The following PGM5 variants were observed in gnomAD, a reference collection of about 807,000 sequenced individuals.
PGM5 encodes phosphoglucomutase-like protein 5.
Under a neutral mutation model 59.2 loss-of-function variants are expected in PGM5, and 23 were observed. The ratio of observed to expected loss-of-function variants is 0.39; its 90% CI spans 0.28 to 0.55. The LOEUF (loss-of-function observed/expected upper bound fraction) is 0.55. Ranked by LOEUF, PGM5 falls within the 20% of genes least tolerant of loss-of-function variation. The pLI, the probability that PGM5 is intolerant of heterozygous loss-of-function variation, is 0.66. For missense variants in PGM5, 574 were observed against 748.3 expected, an observed-to-expected ratio of 0.77 and a Z score of 2.72; for synonymous variants, 214 against 286.0, an observed-to-expected ratio of 0.75 and a Z score of 2.54.
chr9:68,448,659 C>G (rs1823650507), intron 6 of PGM5, among the ~76,000 whole-genome samples: 1 of 152,154 alleles, frequency 6.6e-6, no homozygotes. Context: ...TTCTTACGCC[C>G]ATTGGAATAT....
intron 9 of PGM5, among the ~76,000 whole-genome samples, chr9:68,489,354 G>A (rs1355915102): frequency 6.6e-6 from 1 of 152,170 alleles, no homozygotes; most frequent in Non-Finnish European, 1.5e-5. Flanking sequence ...GATTTGAAAT[G>A]AGAAACCTTG....
intron 8 of PGM5, among the ~76,000 whole-genome samples, chr9:68,479,764 C>T (rs2132089868): frequency 6.6e-6 from 1 of 152,240 alleles, no homozygotes. Context: ...GAAACCCCGT[C>T]TCTACTAAAA....
At chr9:68,422,835 C>T (rs1313306593) in intron 6 of PGM5, among the ~76,000 whole-genome samples, 1 of 152,162 alleles carries the variant, frequency 6.6e-6, no homozygotes, top group Non-Finnish European at 1.5e-5. Context: ...CTGAGCAGTA[C>T]ACAGTGCATG....
intron 6 of PGM5, chr9:68,400,768 A>T (rs1279354483): frequency 6.6e-6 from 1 of 152,342 alleles, no homozygotes; most frequent in Non-Finnish European, 1.5e-5. Context: ...TTTAGTAATG[A>T]TATGTGGGTA....
chr9:68,357,958 CACA>C (rs1834501324), intron 1 of PGM5: 4 of 160,036 alleles, frequency 2.5e-5, no homozygotes, highest in African/African-American at 7.4e-5. Context: ...CACACACACA[CACA>C]CACGATCCCT....
intron 7 of PGM5, among the ~76,000 whole-genome samples, chr9:68,474,499 A>G (rs1356817068): frequency 1.3e-5 from 2 of 151,952 alleles, no homozygotes; most frequent in African/African-American, 2.4e-5. Flanking sequence ...CTCAAGTAGC[A>G]TGGTTTTGAA....
chr9:68,360,296 T>C (rs1834551747), intron 1 of PGM5, among the ~76,000 whole-genome samples: 1 of 151,544 alleles, frequency 6.6e-6, no homozygotes, highest in African/African-American at 2.4e-5. Flanking sequence ...TAAAAAATTT[T>C]ATAAATTAAA....
At position 68,380,867 on chromosome 9, in the gene PGM5, A is replaced by T. The variant is rs1333333630; in HGVS notation, c.424+2506A>T. On this transcript the variant is annotated intron_variant, in intron 2 of 10. Coordinates refer to ENST00000396396, the MANE Select transcript of PGM5 (RefSeq NM_021965.4). ...GATAAATTTCTAGAAAAACTAACCC[A>T]ACAAGATTGAATTGGGAAGAAACAA... Among the ~76,000 whole-genome samples, 3 of 152,002 alleles carry T rather than the reference A, an allele frequency of 2.0e-5. No homozygotes were observed. The East Asian group carries it at 5.8e-4, about 29-fold the overall frequency.
chr9:68,500,233 G>T (rs2132105832), intron 10 of PGM5, among the ~76,000 whole-genome samples: 1 of 152,282 alleles, frequency 6.6e-6, no homozygotes, highest in South Asian at 2.1e-4. Flanking sequence ...GCTATAATTT[G>T]CCCTGATGGA....
At chr9:68,368,268 T>C (rs1834717088) in intron 1 of PGM5, among the ~76,000 whole-genome samples, 1 of 151,052 alleles carries the variant, frequency 6.6e-6, no homozygotes, top group African/African-American at 2.4e-5. Context: ...TTGTGCTGCG[T>C]TGGATGGGTC....
At chr9:68,465,385 T>C (rs547097961) in intron 7 of PGM5, among the ~76,000 whole-genome samples, 177 bp downstream of exon 7, 1 of 152,342 alleles carries the variant, frequency 6.6e-6, no homozygotes, top group East Asian at 1.9e-4. Context: ...TCCATTTTGT[T>C]TCTTCTTTTT....
chr9:68,515,172 T>A lies in PGM5; in HGVS notation c.1615-14395T>A, dbSNP rs1824806850. Among the ~76,000 whole-genome samples the A allele has an allele frequency of 2.6e-5, 4 of 152,248 alleles. No homozygotes were observed. The South Asian group carries it at 8.3e-4, about 31-fold the overall frequency. On this transcript the variant is annotated intron_variant, in intron 10 of 10. Coordinates refer to ENST00000396396, the MANE Select transcript of PGM5 (RefSeq NM_021965.4). ...TAAATATGTTAGGTTAAATGGCAGC[T>A]GAGTCTAAAGGCAAAGGCCATAAAA...
At chr9:68,425,417 G>A (rs1823218333) in intron 6 of PGM5, among the ~76,000 whole-genome samples, 1 of 152,220 alleles carries the variant, frequency 6.6e-6, no homozygotes, top group Non-Finnish European at 1.5e-5. Context: ...TATTGCTGGT[G>A]ATGGAGGGAT....
chr9:68,508,089 C>A (rs140374906), intron 10 of PGM5, among the ~76,000 whole-genome samples: 1 of 152,336 alleles, frequency 6.6e-6, no homozygotes, highest in Non-Finnish European at 1.5e-5. Context: ...TATCCACACT[C>A]CACATGGTCT....
intron 6 of PGM5, among the ~76,000 whole-genome samples, chr9:68,419,690 C>A (rs1823095934): frequency 6.6e-6 from 1 of 152,250 alleles, no homozygotes; most frequent in African/African-American, 2.4e-5. Flanking sequence ...TTTAAATGCC[C>A]CCAGTCTGGC....
At chr9:68,509,875 T>A (rs1824719159) in intron 10 of PGM5, among the ~76,000 whole-genome samples, 1 of 152,106 alleles carries the variant, frequency 6.6e-6, no homozygotes, top group Non-Finnish European at 1.5e-5. Flanking sequence ...TTGGTTTGCA[T>A]CTGAAAGGCA....
chr9:68,522,604 A>T (rs554589321), intron 10 of PGM5, among the ~76,000 whole-genome samples: 24 of 152,376 alleles, frequency 1.6e-4, no homozygotes, highest in African/African-American at 5.3e-4. Flanking sequence ...ACCTCCAAAC[A>T]ATCTAAGAGA....
intron 6 of PGM5, chr9:68,464,459 T>TTATA (rs1229632326): frequency 6.6e-6 from 1 of 152,206 alleles, no homozygotes; most frequent in African/African-American, 2.4e-5. Flanking sequence ...GGCCAGGCCT[T>TTATA]TATATATCCC....
intron 10 of PGM5, among the ~76,000 whole-genome samples, chr9:68,506,306 G>A (rs576366967): frequency 1.3e-5 from 2 of 152,320 alleles, no homozygotes; most frequent in South Asian, 4.1e-4. Context: ...AAACTGAGCT[G>A]TAACCAATCC....
Sources: gnomAD v4.1 joint callset for allele counts (sites outside exome capture counted in the v4.1 genomes callset) on GRCh38, gnomAD v4.1.1 for gene constraint, MANE v1.5 for transcripts, NCBI Gene and HGNC (gene_info 2026-07-23, HGNC 2026-07-21) for gene names.